The following DHX40 variants were observed in gnomAD, a reference collection of about 807,000 sequenced individuals.
DHX40 encodes the protein DEAH-box helicase 40.
Under a neutral mutation model 89.6 loss-of-function variants are expected in DHX40, and 28 were observed. That is an observed-to-expected ratio of 0.31 (90% CI 0.23 to 0.43). The LOEUF (loss-of-function observed/expected upper bound fraction) is 0.43. Ranked by LOEUF, DHX40 falls within the 20% of genes least tolerant of loss-of-function variation. The probability of loss-of-function intolerance (pLI) is 1.00; values close to 1 mark genes in which losing one functional copy is unlikely to be tolerated. For missense variants in DHX40, 457 were observed against 844.0 expected, an observed-to-expected ratio of 0.54 and a Z score of 5.68; for synonymous variants, 226 against 283.6, an observed-to-expected ratio of 0.80 and a Z score of 2.04.
Position 59,566,653 on chromosome 17 carries a change from G to A in DHX40, c.139G>A (p.Gly47Arg), listed in dbSNP as rs1297977658. The A allele has an allele frequency of 6.2e-7, 1 of 1,600,430 alleles. No individual in the cohort carries two copies. ...AGAGAAAGGATGCACGTCCCAGGAG[G>A]GAGGAACTACTCCAACTTTTCCTAT... ...REEKGCTSQE[G>R]GTTPTFPIQK... Residue 47 changes from glycine to arginine, a missense_variant, in exon 2 of 18, where the codon GGA becomes AGA. This residue lies in a region of DHX40 where 75 missense variants were observed against 76.8 expected (regional missense o/e 0.98). Transcript: ENST00000251241.
intron 12 of DHX40, among the ~76,000 whole-genome samples, chr17:59,598,234 A>T (rs1210315528): frequency 6.6e-6 from 1 of 152,090 alleles, no homozygotes; most frequent in South Asian, 2.1e-4. Flanking sequence ...TAAATAAACA[A>T]ATTTTCAGAT....
chr17:59,602,488 G>A (rs779715553), intron 14 of DHX40, 34 bp from the exon 15 acceptor site: 1 of 1,511,830 alleles, frequency 6.6e-7, no homozygotes, highest in South Asian at 1.2e-5. Context: ...ATTGTACTAT[G>A]AGATTTACCA....
At chr17:59,574,536 C>T (rs377548466) in intron 6 of DHX40, among the ~76,000 whole-genome samples, 4 of 150,526 alleles carry the variant, frequency 2.7e-5, no homozygotes, top group East Asian at 1.9e-4. Flanking sequence ...ATGTCAAAGA[C>T]GTAATAGTGT....
In DHX40 at chr17:59,573,123, C is replaced by A. The variant is rs139401056; in HGVS notation, c.434C>A (p.Ala145Glu). 2 of 1,606,640 alleles carry A rather than the reference C, an allele frequency of 1.2e-6. No individual in the cohort carries two copies. The highest frequency in any genetic ancestry group is 2.7e-5 in the African/African-American group (2 of 74,476). The change falls in exon 4 of 18, where the codon GCA becomes GAA. Residue 145 changes from alanine (A) to glutamate (E), a missense_variant. Physicochemically the swap from Ala to Glu is moderately radical, Grantham distance 107 (BLOSUM62 -1). This residue lies in a region of DHX40 where 61 missense variants were observed against 100.4 expected (regional missense o/e 0.61). Transcript: ENST00000251241. ...CTGCTGTTTGAACATTAGGAGACAG[C>A]AATCAAATATATGACTGATGGATGT... is the stretch of plus-strand genomic sequence containing the variant. Reference protein sequence around the residue: ...RFDDCSSKETAIKYMTDGCLL... With the variant: ...RFDDCSSKETEIKYMTDGCLL...
chr17:59,575,170 C>T (rs1321280873), intron 6 of DHX40, among the ~76,000 whole-genome samples, 170 bp from the exon 7 acceptor site: 3 of 151,824 alleles, frequency 2.0e-5, no homozygotes, highest in African/African-American at 4.8e-5. Flanking sequence ...TCTTCTACTT[C>T]GAATTTTATT....
At chr17:59,603,427 A>C (rs2030657159) in intron 15 of DHX40, 1 of 152,250 alleles carries the variant, frequency 6.6e-6, no homozygotes, top group South Asian at 2.1e-4. Context: ...TCTTTGGAGA[A>C]ATGGGGCTGG....
intron 2 of DHX40, among the ~76,000 whole-genome samples, chr17:59,568,935 C>A (rs1336189888): frequency 6.6e-6 from 1 of 151,932 alleles, no homozygotes; most frequent in African/African-American, 2.4e-5. Flanking sequence ...CTCCTGAGTT[C>A]AAGCAATCCT....
intron 12 of DHX40, among the ~76,000 whole-genome samples, chr17:59,597,740 T>C (rs937851143): frequency 4.0e-5 from 6 of 149,514 alleles, no homozygotes; most frequent in African/African-American, 1.5e-4. Flanking sequence ...ATCGAGACCA[T>C]CCTGGCTAAC....
chr17:59,607,517 C>A lies in DHX40; in HGVS notation c.*345C>A. On this transcript the variant is annotated 3_prime_UTR_variant, in exon 18 of 18. Coordinates refer to ENST00000251241, the MANE Select transcript of DHX40 (RefSeq NM_024612.5). ...AGAACATTGAGTTGTATTTAATCAG[C>A]GTGTACTCCATTTGCATTGAAGCAT... 2 of 535,500 alleles carry A rather than the reference C, an allele frequency of 3.7e-6. No homozygotes were observed. The highest frequency in any genetic ancestry group is 6.6e-6 in the Non-Finnish European group (2 of 301,592). The allele number at this position is 535,500 out of a possible 1,614,324, so 33.2% of individuals were successfully genotyped here.
intron 17 of DHX40, among the ~76,000 whole-genome samples, chr17:59,606,199 C>G (rs1169842865): frequency 6.6e-6 from 1 of 151,856 alleles, no homozygotes; most frequent in Non-Finnish European, 1.5e-5. Flanking sequence ...CATGCACCAC[C>G]ACGCCTGGCT....
chr17:59,568,948 T>C (rs2048747472), intron 2 of DHX40, among the ~76,000 whole-genome samples: 1 of 152,110 alleles, frequency 6.6e-6, no homozygotes, highest in Non-Finnish European at 1.5e-5. Context: ...GCAATCCTCC[T>C]ACCTCAACCT....
chr17:59,592,348 A>G (rs1167979900), intron 12 of DHX40, among the ~76,000 whole-genome samples: 3 of 151,090 alleles, frequency 2.0e-5, no homozygotes, highest in Admixed American at 6.6e-5. Context: ...AATTTTAGGT[A>G]AAATTTACAT....
chr17:59,607,181 A>G lies in DHX40; in HGVS notation c.*9A>G. 1 of 1,614,144 alleles carries G rather than the reference A, an allele frequency of 6.2e-7. No individual in the cohort carries two copies. Among genetic ancestry groups the G allele is most frequent in the Non-Finnish European group, 8.5e-7 (1 of 1,180,028 alleles). ...GAAAGGAAACAGGCTAAGGTGGTGA[A>G]CCCTCCAATTCAGGAAGTGGGAAAA... On this transcript the variant is annotated 3_prime_UTR_variant, in exon 18 of 18. Transcript: ENST00000251241.
chr17:59,600,853 A>AAT lies in DHX40; in HGVS notation c.1806+1370_1806+1371insAT, dbSNP rs368718815. Among the ~76,000 whole-genome samples the AAT allele has an allele frequency of 3.1e-4, 41 of 130,836 alleles. 1 individual carries two copies. In the East Asian group the frequency reaches 4.7e-3, roughly 15 times the overall value. 85.8% of individuals were successfully genotyped at this position (130,836 alleles called of 152,430 possible). ...AGCAGCAGCACCCTGTCTCAAAAAAATTTTTTTTTTTTTTTTTTTTTACTG... is the reference window on the plus strand; with the variant it reads ...AGCAGCAGCACCCTGTCTCAAAAAAAATTTTTTTTTTTTTTTTTTTTTTACTG... On this transcript the variant is annotated intron_variant, in intron 14 of 17. Transcript: ENST00000251241.
chr17:59,603,533 G>T (rs1024914118), intron 15 of DHX40: 12 of 152,184 alleles, frequency 7.9e-5, no homozygotes, highest in African/African-American at 2.4e-4. Context: ...ATAGGAGCCA[G>T]CATGAAGAGG....
intron 12 of DHX40, among the ~76,000 whole-genome samples, chr17:59,589,112 G>A (rs74862055): frequency 0.2 from 30,006 of 148,912 alleles, 3,456 homozygotes; most frequent in African/African-American, 0.32. Context: ...TTGAAGTTTT[G>A]TTCTTCCTCT....
At position 59,587,888 on chromosome 17, in the gene DHX40, G is replaced by A. The variant is rs2049021520; in HGVS notation, c.1425-8G>A. On this transcript the variant is annotated splice_region_variant and splice_polypyrimidine_tract_variant and intron_variant, in intron 11 of 17. Coordinates refer to ENST00000251241, the MANE Select transcript of DHX40 (RefSeq NM_024612.5). Reference sequence around the variant, plus strand: ...AGAAAGACTTACAAACTTTTTCTTTGTATTAAGGAGTGGCCATGTCACCAG... The same window carrying A: ...AGAAAGACTTACAAACTTTTTCTTTATATTAAGGAGTGGCCATGTCACCAG... 1 of 1,608,410 alleles carries A rather than the reference G, an allele frequency of 6.2e-7. No homozygotes were observed. The highest frequency in any genetic ancestry group is 1.3e-5 in the African/African-American group (1 of 74,484).
At position 59,577,979 on chromosome 17, in the gene DHX40, T is replaced by TA. The variant is rs562221345; in HGVS notation, c.1073+615dup. Among the ~76,000 whole-genome samples, 30 of 152,326 alleles carry TA rather than the reference T, an allele frequency of 2.0e-4. 1 individual carries two copies. In the East Asian group the frequency reaches 5.6e-3, roughly 28 times the overall value. On this transcript the variant is annotated intron_variant, in intron 8 of 17. Transcript: ENST00000251241. Reference sequence around the variant, plus strand: ...TCTGGATGTATTGTCTCTGACTTTTTACCTTTTTGTGAAAATTAACTATGA... The same window carrying TA: ...TCTGGATGTATTGTCTCTGACTTTTTAACCTTTTTGTGAAAATTAACTATGA...
At chr17:59,566,074 C>T (rs1440845559) in intron 1 of DHX40, among the ~76,000 whole-genome samples, 1 of 152,166 alleles carries the variant, frequency 6.6e-6, no homozygotes, top group Non-Finnish European at 1.5e-5. Context: ...TGTTCTCTAC[C>T]CATTCATCCC....
Sources: gnomAD v4.1 joint callset for allele counts (sites outside exome capture counted in the v4.1 genomes callset) on GRCh38, gnomAD v4.1.1 for gene constraint, gnomAD v4.1.1 regional missense constraint, MANE v1.5 for transcripts, NCBI Gene and HGNC (gene_info 2026-07-23, HGNC 2026-07-21) for gene names.